ABCD2: variants seen among roughly 807,000 people sequenced by gnomAD.
The protein encoded by ABCD2 is ATP binding cassette subfamily D member 2.
A neutral mutation model predicts 70.9 loss-of-function variants in ABCD2; 36 were observed. The ratio of observed to expected loss-of-function variants is 0.51; its 90% CI spans 0.39 to 0.67. ABCD2 has a LOEUF of 0.67. ABCD2 is among the 30% of genes least tolerant of loss of function. The probability of loss-of-function intolerance (pLI) is 0.00; values close to 1 mark genes in which losing one functional copy is unlikely to be tolerated. For missense variants in ABCD2, 729 were observed against 890.2 expected, an observed-to-expected ratio of 0.82 and a Z score of 2.30; for synonymous variants, 304 against 306.9, an observed-to-expected ratio of 0.99 and a Z score of 0.10.
intron 9 of ABCD2, among the ~76,000 whole-genome samples, chr12:39,561,283 C>T (rs895032516): frequency 1.3e-5 from 2 of 150,412 alleles, no homozygotes; most frequent in Admixed American, 6.7e-5. Context: ...ATCCTAGCTA[C>T]TAAGGAGGCT....
chr12:39,615,715 T>G (rs951681348), intron 2 of ABCD2, among the ~76,000 whole-genome samples: 11 of 152,228 alleles, frequency 7.2e-5, no homozygotes, highest in African/African-American at 2.6e-4. Context: ...CTTTGACAAG[T>G]GTTTTTGTAA....
intron 2 of ABCD2, among the ~76,000 whole-genome samples, chr12:39,614,552 C>CTT (rs149605197): frequency 6.1e-5 from 9 of 147,488 alleles, no homozygotes; most frequent in Non-Finnish European, 9.0e-5. Flanking sequence ...ATTTTTCTAC[C>CTT]TTTTTTTTTT....
intron 2 of ABCD2, among the ~76,000 whole-genome samples, chr12:39,608,646 C>G (rs1383915419): frequency 6.6e-6 from 1 of 152,006 alleles, no homozygotes; most frequent in Admixed American, 6.6e-5. Flanking sequence ...GGAGATCACA[C>G]CACTACACTC....
chr12:39,618,736 A>G lies in ABCD2; in HGVS notation c.880T>C (p.Tyr294His), dbSNP rs1285092501. 8 of 1,614,234 alleles carry G rather than the reference A, an allele frequency of 5.0e-6. No homozygotes were observed. The highest frequency in any genetic ancestry group is 6.8e-6 in the Non-Finnish European group (8 of 1,180,044). ...EEAHRKGYLR[Y>H]VHSRIIANVE... ...TTGGCTATAATTCTCGAGTGCACAT[A>G]CCGCAAATAGCCTTTTCTATGTGCT... The change falls in exon 1 of 10, where the codon TAT (tyrosine) becomes CAT (histidine). Residue 294 changes from tyrosine (Y) to histidine (H), a missense_variant. By Grantham distance (83) the Tyr-to-His change is moderately conservative (BLOSUM62 2). Coordinates refer to ENST00000308666, the MANE Select transcript of ABCD2 (RefSeq NM_005164.4).
At chr12:39,581,199 T>C (rs1420977857) in intron 7 of ABCD2, among the ~76,000 whole-genome samples, 1 of 152,186 alleles carries the variant, frequency 6.6e-6, no homozygotes, top group Non-Finnish European at 1.5e-5. Context: ...ATTGGAAGAA[T>C]TTTTTAGAGC....
chr12:39,538,760 C>T, the ABCD2 span, among the ~76,000 whole-genome samples: 2 of 152,180 alleles, frequency 1.3e-5, no homozygotes, highest in Non-Finnish European at 2.9e-5. Flanking sequence ...GGTGCGTCAG[C>T]AAGATAGCAG....
intron 8 of ABCD2, among the ~76,000 whole-genome samples, chr12:39,574,768 AC>A (rs1366609029): frequency 1.3e-5 from 2 of 152,162 alleles, no homozygotes; most frequent in Non-Finnish European, 2.9e-5. Flanking sequence ...AAATAAAATG[AC>A]AAAAAAGTTA....
intron 6 of ABCD2, among the ~76,000 whole-genome samples, chr12:39,599,753 T>C (rs1201823891): frequency 6.6e-6 from 1 of 152,204 alleles, no homozygotes; most frequent in Non-Finnish European, 1.5e-5. Context: ...AGCACTATAC[T>C]TGATGTGACT....
chr12:39,617,548 A>T (rs1222983526), intron 1 of ABCD2, among the ~76,000 whole-genome samples: 2 of 152,080 alleles, frequency 1.3e-5, no homozygotes, highest in Admixed American at 6.5e-5. Context: ...TTTTGAACTG[A>T]CTCAATTTGT....
Position 39,586,175 on chromosome 12 carries a change from T to C in ABCD2, c.1769A>G (p.Tyr590Cys), listed in dbSNP as rs1158358187. 4.3e-6 allele frequency: 7 copies of C among 1,612,542 alleles called. No individual in the cohort carries two copies. Among genetic ancestry groups the C allele is most frequent in the African/African-American group, 1.3e-5 (1 of 74,876 alleles). Residue 590 changes from tyrosine to cysteine, a missense_variant, in exon 7 of 10, where the codon TAT (tyrosine) becomes TGT (cysteine). Tyr to Cys is a radical substitution (Grantham distance 194). Coordinates refer to ENST00000308666, the MANE Select transcript of ABCD2 (RefSeq NM_005164.4). ...ACCTCCTTCTCTTTGAACTATGTGATAGAGATGGACATTGTGTAGGATACG... is the reference window on the plus strand; with the variant it reads ...ACCTCCTTCTCTTTGAACTATGTGACAGAGATGGACATTGTGTAGGATACG... ...LERILHNVHL[Y>C]HIVQREGGWD...
At chr12:39,572,746 T>G (rs558036026) in intron 9 of ABCD2, among the ~76,000 whole-genome samples, 190 of 152,262 alleles carry the variant, frequency 1.2e-3, no homozygotes, top group African/African-American at 4.5e-3. Flanking sequence ...AACTTTGGCA[T>G]GAAATCTGAT....
At chr12:39,563,620 A>G (rs1941294627) in intron 9 of ABCD2, among the ~76,000 whole-genome samples, 2 of 151,722 alleles carry the variant, frequency 1.3e-5, no homozygotes, top group African/African-American at 2.4e-5. Context: ...TGCAGATAAC[A>G]TGTTCTTTTT....
rs1037581115 is a variant in ABCD2 at position 39,552,232 on chromosome 12, G to A, written c.*1680C>T. On this transcript the variant is annotated 3_prime_UTR_variant, in exon 10 of 10. Coordinates refer to ENST00000308666, the MANE Select transcript of ABCD2 (RefSeq NM_005164.4). The stretch of plus-strand genomic sequence containing the variant: ...AATTAAAAATACACTAGCTATCATG[G>A]CAGAATTGAAAATGTAGAAATGTTA... 6.6e-6 allele frequency: 1 copy of A among 151,832 alleles called. No homozygotes were observed. Among genetic ancestry groups the A allele is most frequent in the Non-Finnish European group, 1.5e-5 (1 of 67,802 alleles). The allele number at this position is 151,832 out of a possible 1,614,324, so 9.4% of individuals were successfully genotyped here.
At chr12:39,616,296 C>A (rs1170177099) in intron 2 of ABCD2, among the ~76,000 whole-genome samples, 1 of 152,126 alleles carries the variant, frequency 6.6e-6, no homozygotes, top group Non-Finnish European at 1.5e-5. Context: ...TTAACATTGT[C>A]TTTTCTTCCT....
chr12:39,534,925 AAAGAAAG>A, the ABCD2 span, among the ~76,000 whole-genome samples: 1 of 123,740 alleles, frequency 8.1e-6, no homozygotes, highest in Admixed American at 7.4e-5. Flanking sequence ...AGAAAGAAAG[AAAGAAAG>A]AAAGAAAGAA....
chr12:39,579,136 C>T (rs1017244687), intron 8 of ABCD2, among the ~76,000 whole-genome samples: 11 of 152,118 alleles, frequency 7.2e-5, no homozygotes, highest in South Asian at 2.1e-4. Context: ...CCAAGGCGGG[C>T]GGATCACCTG....
At chr12:39,579,718 A>G in intron 7 of ABCD2, 99 bp from the exon 8 acceptor site, 1 of 895,458 alleles carries the variant, frequency 1.1e-6, no homozygotes, top group African/African-American at 1.7e-5. Context: ...CAAATTGTCA[A>G]CATGAAGAAC....
intron 8 of ABCD2, among the ~76,000 whole-genome samples, chr12:39,575,923 A>T (rs147079960): frequency 3.3e-4 from 51 of 152,302 alleles, no homozygotes; most frequent in African/African-American, 1.1e-3. Context: ...CAGGTTACAG[A>T]TATGTGAAAT....
intron 7 of ABCD2, among the ~76,000 whole-genome samples, chr12:39,584,044 T>G (rs1437217885): frequency 6.6e-6 from 1 of 152,208 alleles, no homozygotes. Flanking sequence ...ATAAACCCAG[T>G]AATGAGATTG....
Sources: allele counts gnomAD v4.1 joint callset (sites outside exome capture counted in the v4.1 genomes callset), GRCh38; gene constraint gnomAD v4.1.1; transcripts MANE v1.5; gene names NCBI Gene and HGNC (gene_info 2026-07-23, HGNC 2026-07-21).